TMEM74: variants seen among roughly 807,000 people sequenced by gnomAD.
TMEM74 encodes the protein transmembrane protein 74.
A neutral mutation model predicts 18.1 loss-of-function variants in TMEM74; 13 were observed. The ratio of observed to expected loss-of-function variants is 0.72; its 90% CI spans 0.47 to 1.14. The LOEUF (loss-of-function observed/expected upper bound fraction) is 1.14, where lower values mean the gene tolerates loss of function less well. Among genes scored for constraint, TMEM74 ranks in the 50% most tolerant of loss-of-function variants. The pLI, the probability that TMEM74 is intolerant of heterozygous loss-of-function variation, is 0.00. For missense variants in TMEM74, 372 were observed against 375.9 expected (o/e 0.99, Z 0.09); for synonymous variants, 159 against 146.6 (o/e 1.08, Z -0.61).
chr8:108,657,883 T>C (rs866103103), intron 1 of TMEM74, among the ~76,000 whole-genome samples: 1 of 113,828 alleles, frequency 8.8e-6, no homozygotes, highest in Non-Finnish European at 1.8e-5. Context: ...TATATATATA[T>C]ATATATATAT....
At chr8:108,609,528 A>G (rs1586232319) in intron 2 of TMEM74, among the ~76,000 whole-genome samples, 2 of 152,210 alleles carry the variant, frequency 1.3e-5, no homozygotes, top group African/African-American at 2.4e-5. Context: ...GGTGCCTGTA[A>G]TCTCAGCTAC....
chr8:108,658,308 C>A (rs894599993), intron 1 of TMEM74, among the ~76,000 whole-genome samples: 6 of 151,878 alleles, frequency 4.0e-5, no homozygotes, highest in East Asian at 1.9e-4. Flanking sequence ...GAATGGGGTA[C>A]CTAAAATAAT....
chr8:108,707,184 G>T (rs1490249795), intron 1 of TMEM74, among the ~76,000 whole-genome samples: 23 of 150,696 alleles, frequency 1.5e-4, no homozygotes, highest in African/African-American at 5.6e-4. Context: ...GGGGCCTGTC[G>T]GGGGGTGGGG....
intron 1 of TMEM74, among the ~76,000 whole-genome samples, chr8:108,746,438 T>C (rs28752132): frequency 0.047 from 7,208 of 152,202 alleles, 445 homozygotes; most frequent in African/African-American, 0.14. Context: ...TTTTGGCATC[T>C]CAATAAATTA....
At chr8:108,648,495 A>G (rs921474975) in intron 2 of TMEM74, among the ~76,000 whole-genome samples, 1 of 152,156 alleles carries the variant, frequency 6.6e-6, no homozygotes, top group Non-Finnish European at 1.5e-5. Flanking sequence ...GTTATTTTAC[A>G]TGGCAAAAGG....
At chr8:108,681,833 T>G (rs934781604) in intron 1 of TMEM74, among the ~76,000 whole-genome samples, 14 of 152,170 alleles carry the variant, frequency 9.2e-5, no homozygotes, top group Non-Finnish European at 1.5e-4. Flanking sequence ...TTGTGTGTAT[T>G]TTATTAAAAT....
chr8:108,714,369 G>A (rs1021662349), intron 1 of TMEM74, among the ~76,000 whole-genome samples: 11 of 152,192 alleles, frequency 7.2e-5, no homozygotes, highest in Admixed American at 7.2e-4. Flanking sequence ...ATTGTATGGA[G>A]TTCAAAATAC....
At chr8:108,606,918 G>A (rs899185724) in exon 4 of TMEM74, 1 of 152,212 alleles carries the variant, frequency 6.6e-6, no homozygotes, top group African/African-American at 2.4e-5. Context: ...GCTTGACTGG[G>A]TGGTTTGTCT....
intron 2 of TMEM74, among the ~76,000 whole-genome samples, chr8:108,629,227 G>C (rs879941025): frequency 1.7e-4 from 26 of 151,910 alleles, no homozygotes; most frequent in Non-Finnish European, 1.6e-4. Context: ...TGCAAGAAAG[G>C]ATATCAGAGA....
chr8:108,688,854 G>T (rs2130605514), intron 1 of TMEM74, among the ~76,000 whole-genome samples: 1 of 152,232 alleles, frequency 6.6e-6, no homozygotes, highest in South Asian at 2.1e-4. Context: ...TAGGACCATT[G>T]CAATCTATTG....
chr8:108,647,508 G>C (rs1010987965), intron 2 of TMEM74, among the ~76,000 whole-genome samples: 2 of 151,824 alleles, frequency 1.3e-5, no homozygotes, highest in East Asian at 1.9e-4. Flanking sequence ...TCAATGAAAG[G>C]CTAGGTTTTA....
In TMEM74 at chr8:108,732,679, A is replaced by G. The variant is rs543051278; in HGVS notation, n.119+54797T>C. ...CCAGAGGAACTGGATATCCAAAAAA[A>G]GGGCACTTCAGCTTCTGCATTATGA... On this transcript the variant is annotated intron_variant and non_coding_transcript_variant, in intron 1 of 3. Transcript: ENST00000518838. Among the ~76,000 whole-genome samples the G allele has an allele frequency of 7.9e-5, 12 of 152,082 alleles. No individual in the cohort carries two copies. The East Asian group carries it at 1.7e-3, about 22-fold the overall frequency.
chr8:108,778,369 T>C (rs1433102721), downstream of TMEM74, among the ~76,000 whole-genome samples: 1 of 152,208 alleles, frequency 6.6e-6, no homozygotes, highest in African/African-American at 2.4e-5. Flanking sequence ...AAAAGGTGGC[T>C]GCATCAGACT....
chr8:108,705,637 T>C (rs1294634913), intron 1 of TMEM74, among the ~76,000 whole-genome samples: 1 of 152,120 alleles, frequency 6.6e-6, no homozygotes, highest in Non-Finnish European at 1.5e-5. Context: ...CAGATGTAGA[T>C]GCCCTGGCCA....
intron 3 of TMEM74, among the ~76,000 whole-genome samples, chr8:108,608,596 C>T (rs1043279006): frequency 2.4e-4 from 36 of 152,154 alleles, no homozygotes; most frequent in African/African-American, 7.7e-4. Flanking sequence ...ACTGGTTTAA[C>T]CACACTTGGA....
At chr8:108,711,651 C>A (rs1167519377) in intron 1 of TMEM74, among the ~76,000 whole-genome samples, 1 of 152,072 alleles carries the variant, frequency 6.6e-6, no homozygotes. Flanking sequence ...TTGGCAAGGC[C>A]ACTGGGGAGT....
At position 108,769,235 on chromosome 8, in the gene TMEM74, C is replaced by T. The variant is rs547042479; in HGVS notation, n.119+18241G>A. ...CCCAGCTACTCAGGAGGCTGAGGGA[C>T]GAGAATTGCTTGAACTGGGAAGCGG... On this transcript the variant is annotated intron_variant and non_coding_transcript_variant, in intron 1 of 3. Transcript: ENST00000518838. Among the ~76,000 whole-genome samples, 10 of 151,422 alleles carry T rather than the reference C, an allele frequency of 6.6e-5. No homozygotes were observed. In the South Asian group the frequency reaches 1.3e-3, roughly 19 times the overall value.
At chr8:108,735,875 T>A (rs1213588429) in intron 1 of TMEM74, among the ~76,000 whole-genome samples, 3 of 152,124 alleles carry the variant, frequency 2.0e-5, no homozygotes, top group African/African-American at 7.2e-5. Flanking sequence ...AAAGATTCAA[T>A]TTCATTTTCT....
chr8:108,654,506 AC>A (rs1461669248), intron 2 of TMEM74, among the ~76,000 whole-genome samples: 5 of 152,140 alleles, frequency 3.3e-5, no homozygotes, highest in African/African-American at 7.2e-5. Flanking sequence ...CACATAAACC[AC>A]TTCAATCTGT....
Sources: gnomAD v4.1 joint callset for allele counts (sites outside exome capture counted in the v4.1 genomes callset) on GRCh38, gnomAD v4.1.1 for gene constraint, MANE v1.5 for transcripts, NCBI Gene and HGNC (gene_info 2026-07-23, HGNC 2026-07-21) for gene names.